The following CLYBL variants were observed in gnomAD, a reference collection of about 807,000 sequenced individuals.
The protein encoded by CLYBL is citramalyl-CoA lyase.
Under a neutral mutation model 38.9 loss-of-function variants are expected in CLYBL, and 31 were observed. The ratio of observed to expected loss-of-function variants is 0.80; its 90% CI spans 0.60 to 1.08. CLYBL has a LOEUF of 1.08. Among genes scored for constraint, CLYBL ranks in the 50% least tolerant of loss-of-function variants. The probability of loss-of-function intolerance (pLI) is 0.00; values close to 1 mark genes in which losing one functional copy is unlikely to be tolerated. For missense variants in CLYBL, 434 were observed against 411.6 expected, an observed-to-expected ratio of 1.05 and a Z score of -0.47; for synonymous variants, 171 against 158.6, an observed-to-expected ratio of 1.08 and a Z score of -0.59.
chr13:99,878,219 A>C (rs1006099502), intron 7 of CLYBL, among the ~76,000 whole-genome samples: 1 of 152,260 alleles, frequency 6.6e-6, no homozygotes, highest in African/African-American at 2.4e-5. Context: ...AGATGTTTCC[A>C]TCAATTATTT....
intron 1 of CLYBL, among the ~76,000 whole-genome samples, chr13:99,628,577 G>A (rs2046901123): frequency 6.6e-6 from 1 of 152,208 alleles, no homozygotes; most frequent in South Asian, 2.1e-4. Flanking sequence ...ACCATTAGCA[G>A]CCTGGGAATT....
At chr13:99,820,255 C>T (rs896728973) in intron 2 of CLYBL, among the ~76,000 whole-genome samples, 6 of 152,270 alleles carry the variant, frequency 3.9e-5, no homozygotes, top group East Asian at 1.9e-4. Flanking sequence ...GCACACGGTC[C>T]GCCCAGGCAC....
At chr13:99,797,746 C>T (rs1416446054) in intron 2 of CLYBL, among the ~76,000 whole-genome samples, 1 of 152,134 alleles carries the variant, frequency 6.6e-6, no homozygotes, top group East Asian at 1.9e-4. Flanking sequence ...AACACCCATA[C>T]ATTATTACAA....
intron 1 of CLYBL, among the ~76,000 whole-genome samples, chr13:99,608,918 A>G (rs1437148905): frequency 1.1e-5 from 1 of 92,114 alleles, no homozygotes; most frequent in African/African-American, 4.8e-5. Flanking sequence ...TGGTTTTATT[A>G]TGATGTGTGT....
chr13:99,648,391 G>A (rs2047206725), intron 1 of CLYBL, among the ~76,000 whole-genome samples: 1 of 152,318 alleles, frequency 6.6e-6, no homozygotes, highest in African/African-American at 2.4e-5. Flanking sequence ...TAACAAGAGT[G>A]TGTAAGCAAA....
chr13:99,773,542 A>G (rs1422152557), intron 2 of CLYBL, among the ~76,000 whole-genome samples: 1 of 152,180 alleles, frequency 6.6e-6, no homozygotes, highest in Non-Finnish European at 1.5e-5. Context: ...GTAAGAATCT[A>G]ACTAATGCCT....
At chr13:99,751,640 C>T (rs961998393) in intron 1 of CLYBL, among the ~76,000 whole-genome samples, 10 of 152,090 alleles carry the variant, frequency 6.6e-5, no homozygotes, top group African/African-American at 7.2e-5. Context: ...AGTCAAATGG[C>T]GGTTGCCAAG....
At chr13:99,858,651 T>TA (rs1478626011) in intron 2 of CLYBL, among the ~76,000 whole-genome samples, 6 of 152,222 alleles carry the variant, frequency 3.9e-5, no homozygotes, top group African/African-American at 1.4e-4. Context: ...TCGGCTATGT[T>TA]ATAGCTATCG....
intron 2 of CLYBL, among the ~76,000 whole-genome samples, chr13:99,839,300 AG>A (rs1475753916): frequency 1.3e-5 from 2 of 152,200 alleles, no homozygotes; most frequent in Admixed American, 1.3e-4. Context: ...CAGAACTAGG[AG>A]GGTTCGAAGA....
intron 1 of CLYBL, among the ~76,000 whole-genome samples, chr13:99,621,456 T>C (rs2046795513): frequency 1.3e-5 from 2 of 152,164 alleles, no homozygotes; most frequent in African/African-American, 4.8e-5. Flanking sequence ...CCGCTGACTT[T>C]TGTCACCCTT....
intron 7 of CLYBL, among the ~76,000 whole-genome samples, chr13:99,890,423 C>T (rs1286154793): frequency 7.2e-5 from 11 of 152,102 alleles, no homozygotes; most frequent in Admixed American, 7.2e-4. Context: ...CCCATCTTAA[C>T]ATTCAACAGA....
chr13:99,685,189 A>G (rs2047798669), intron 1 of CLYBL, among the ~76,000 whole-genome samples: 1 of 152,196 alleles, frequency 6.6e-6, no homozygotes, highest in Non-Finnish European at 1.5e-5. Context: ...ATGGGTATGG[A>G]AGTATAGCAC....
intron 7 of CLYBL, among the ~76,000 whole-genome samples, chr13:99,876,777 C>G (rs1293703875): frequency 1.3e-5 from 2 of 152,154 alleles, no homozygotes; most frequent in East Asian, 3.9e-4. Flanking sequence ...TATGGAATAT[C>G]ATAAATGTGT....
rs530246926 is a variant in CLYBL, at chr13:99,656,279, G to T, written c.62+49522G>T. Among the ~76,000 whole-genome samples the T allele has an allele frequency of 4.3e-4, 66 of 152,182 alleles. 1 individual carries two copies. The highest frequency in any genetic ancestry group is 8.1e-4 in the Non-Finnish European group (55 of 68,016). On this transcript the variant is annotated intron_variant, in intron 1 of 8. Coordinates refer to ENST00000339105, the MANE Select transcript of CLYBL (RefSeq NM_206808.5). ...CGTGTTTGTCAGGGAGTAGACCAGG[G>T]TGCAGTTCTAGGCAGACCACTAGAT...
At chr13:99,829,817 T>G (rs2050770006) in intron 2 of CLYBL, among the ~76,000 whole-genome samples, 1 of 152,204 alleles carries the variant, frequency 6.6e-6, no homozygotes, top group Admixed American at 6.5e-5. Context: ...TTTCAGGTAC[T>G]GTTTAATCAT....
intron 1 of CLYBL, among the ~76,000 whole-genome samples, chr13:99,641,651 A>AAG (rs1440853676): frequency 6.6e-6 from 1 of 151,504 alleles, no homozygotes; most frequent in Admixed American, 6.6e-5. Flanking sequence ...AAAAATACAA[A>AAG]AAAAAAAAAA....
At chr13:99,832,001 A>G (rs1348379515) in intron 2 of CLYBL, among the ~76,000 whole-genome samples, 3 of 152,230 alleles carry the variant, frequency 2.0e-5, no homozygotes, top group Non-Finnish European at 4.4e-5. Flanking sequence ...ATCTTTTGAT[A>G]ACTGTTTTCC....
At chr13:99,765,876 G>A (rs1594168249) in intron 1 of CLYBL, among the ~76,000 whole-genome samples, 1 of 142,426 alleles carries the variant, frequency 7.0e-6, no homozygotes, top group Non-Finnish European at 1.5e-5. Flanking sequence ...TTTAAAGACA[G>A]GTTCTCATTC....
intron 2 of CLYBL, among the ~76,000 whole-genome samples, chr13:99,834,693 C>A (rs2050895371): frequency 6.6e-6 from 1 of 152,216 alleles, no homozygotes; most frequent in Non-Finnish European, 1.5e-5. Context: ...CTCTGCCACA[C>A]AGGATGTTCT....
Sources: allele counts gnomAD v4.1 joint callset (sites outside exome capture counted in the v4.1 genomes callset), GRCh38; gene constraint gnomAD v4.1.1; transcripts MANE v1.5; gene names NCBI Gene and HGNC (gene_info 2026-07-23, HGNC 2026-07-21).